The following CRHR1 variants were observed in gnomAD, a reference collection of about 807,000 sequenced individuals.
CRHR1 encodes the protein corticotropin releasing hormone receptor 1.
Under a neutral mutation model 56.0 loss-of-function variants are expected in CRHR1, and 28 were observed. The ratio of observed to expected loss-of-function variants is 0.50; its 90% CI spans 0.37 to 0.69. The LOEUF (loss-of-function observed/expected upper bound fraction) is 0.69, where lower values mean the gene tolerates loss of function less well. Ranked by LOEUF, CRHR1 falls within the 30% of genes least tolerant of loss-of-function variation. CRHR1 has a pLI of 0.00. For missense variants in CRHR1, 376 were observed against 548.0 expected (o/e 0.69, Z 3.13); for synonymous variants, 195 against 216.5 (o/e 0.90, Z 0.87).
rs1366733412 is a variant in CRHR1 at position 45,804,037 on chromosome 17, T to C, written c.34-2973T>C. Among the ~76,000 whole-genome samples, 5 of 152,214 alleles carry C rather than the reference T, an allele frequency of 3.3e-5. No homozygotes were observed. In the East Asian group the frequency reaches 9.6e-4, roughly 29 times the overall value. On this transcript the variant is annotated intron_variant, in intron 1 of 12. Transcript: ENST00000314537. ...CGGCTGGCCTGGTGGCCTCCTCCTC[T>C]CTCTACTTCTGCATTTTCACTTGGA...
At chr17:45,808,213 T>C (rs1320406893) in intron 2 of CRHR1, among the ~76,000 whole-genome samples, 3 of 152,204 alleles carry the variant, frequency 2.0e-5, no homozygotes, top group Non-Finnish European at 4.4e-5. Context: ...GGAAGACGCA[T>C]GCTTGCAAAG....
intron 1 of CRHR1, among the ~76,000 whole-genome samples, chr17:45,799,155 A>G (rs944844764): frequency 2.0e-5 from 3 of 152,164 alleles, no homozygotes; most frequent in Admixed American, 6.5e-5. Flanking sequence ...GGTGGATGAG[A>G]AAAAGGTGCC....
chr17:45,791,719 C>A (rs1208637084), intron 1 of CRHR1, among the ~76,000 whole-genome samples: 1 of 152,008 alleles, frequency 6.6e-6, no homozygotes, highest in Non-Finnish European at 1.5e-5. Flanking sequence ...ATGATCCCTT[C>A]CACCACCCCC....
chr17:45,803,775 T>TGC (rs1232847421), intron 1 of CRHR1, among the ~76,000 whole-genome samples: 36 of 150,440 alleles, frequency 2.4e-4, no homozygotes, highest in African/African-American at 6.1e-4. Flanking sequence ...TGTGTGTGTG[T>TGC]GCGTGCGCGT....
intron 2 of CRHR1, among the ~76,000 whole-genome samples, chr17:45,812,379 C>G (rs2061840011): frequency 6.6e-6 from 1 of 152,236 alleles, no homozygotes; most frequent in Admixed American, 6.5e-5. Context: ...GCACCTCTGC[C>G]TTTGTGCAGC....
intron 4 of CRHR1, 70 bp downstream of exon 4, chr17:45,821,510 G>A: frequency 7.2e-7 from 1 of 1,398,550 alleles, no homozygotes; most frequent in Non-Finnish European, 1.0e-6. Context: ...TTTTGTGCCT[G>A]CTACTTGGAG....
chr17:45,798,311 A>T (rs1247356152), intron 1 of CRHR1, among the ~76,000 whole-genome samples: 1 of 152,140 alleles, frequency 6.6e-6, no homozygotes, highest in Non-Finnish European at 1.5e-5. Flanking sequence ...GGATCATCTG[A>T]GGTCAGGAGT....
intron 1 of CRHR1, among the ~76,000 whole-genome samples, chr17:45,804,901 A>G (rs781673882): frequency 1.3e-5 from 2 of 151,472 alleles, no homozygotes; most frequent in Non-Finnish European, 1.5e-5. Context: ...TACAACCTCA[A>G]CCTCCCGGGT....
At chr17:45,806,860 G>A (rs554043901) in intron 1 of CRHR1, 150 bp from the exon 2 acceptor site, 20 of 639,222 alleles carry the variant, frequency 3.1e-5, no homozygotes, top group African/African-American at 2.3e-4. Flanking sequence ...GATGAGGGGC[G>A]GGTGTCTGGG....
chr17:45,826,840 T>C (rs938931886), intron 4 of CRHR1: 22 of 152,306 alleles, frequency 1.4e-4, no homozygotes, highest in African/African-American at 5.1e-4. Context: ...TAGCTGGGCA[T>C]GGTGGTGCAT....
intron 2 of CRHR1, among the ~76,000 whole-genome samples, chr17:45,810,061 CTT>C: frequency 6.6e-6 from 1 of 152,284 alleles, no homozygotes; most frequent in East Asian, 1.9e-4. Context: ...GGTCGGATCA[CTT>C]GAGGTCAGGT....
chr17:45,807,659 G>A (rs2061744135), intron 2 of CRHR1, among the ~76,000 whole-genome samples: 1 of 152,232 alleles, frequency 6.6e-6, no homozygotes, highest in Non-Finnish European at 1.5e-5. Flanking sequence ...CCTGAGTGGA[G>A]CACGGGCAGC....
chr17:45,786,185 A>T (rs1384995093), intron 1 of CRHR1, among the ~76,000 whole-genome samples: 1 of 147,544 alleles, frequency 6.8e-6, no homozygotes, highest in Non-Finnish European at 1.5e-5. Flanking sequence ...CTGGCCTTTC[A>T]TAGAATTGTG....
chr17:45,785,456 G>A (rs988138221), intron 1 of CRHR1, among the ~76,000 whole-genome samples: 5 of 152,366 alleles, frequency 3.3e-5, no homozygotes, highest in Admixed American at 3.3e-4. Context: ...CGCGCCCGCT[G>A]CAGCCGGCCG....
chr17:45,816,701 G>GT, intron 3 of CRHR1, 119 bp downstream of exon 3: 1 of 1,482,818 alleles, frequency 6.7e-7, no homozygotes. Flanking sequence ...TGTGGGGATC[G>GT]CCCCTGTTTT....
intron 1 of CRHR1, among the ~76,000 whole-genome samples, chr17:45,791,460 CA>C (rs1598395674): frequency 6.6e-6 from 1 of 152,074 alleles, no homozygotes; most frequent in Non-Finnish European, 1.5e-5. Context: ...GTGAGAGAAG[CA>C]AAAGGGGAGG....
At chr17:45,814,821 C>T (rs981447599) in intron 2 of CRHR1, among the ~76,000 whole-genome samples, 4 of 152,268 alleles carry the variant, frequency 2.6e-5, no homozygotes, top group African/African-American at 7.2e-5. Context: ...CCACTCCAGC[C>T]GCCTGGCCCG....
intron 9 of CRHR1, 76 bp downstream of exon 9, chr17:45,833,286 CTCCTCTACCTAGAGGTGGGGGCCA>C: frequency 6.5e-7 from 1 of 1,545,752 alleles, no homozygotes; most frequent in Non-Finnish European, 8.9e-7. Flanking sequence ...ACAGAAAGGA[CTCCTCTACCTAGAGGTGGGGGCCA>C]CCCAAAGAGG....
Position 45,830,432 on chromosome 17 carries a change from G to C in CRHR1, c.571G>C (p.Val191Leu). The C allele has an allele frequency of 6.2e-7, 1 of 1,611,168 alleles. No homozygotes were observed. Among genetic ancestry groups the C allele is most frequent in the Non-Finnish European group, 8.5e-7 (1 of 1,178,636 alleles). The change falls in exon 7 of 13, where the codon GTG becomes CTG. Residue 191 changes from valine (V) to leucine (L), a missense_variant. By Grantham distance (32) the Val-to-Leu change is conservative. Coordinates refer to ENST00000314537, the MANE Select transcript of CRHR1 (RefSeq NM_004382.5). ...HQSNVGWCRL[V>L]TAAYNYFHVT... Reference sequence around the variant, plus strand: ...GGGGTGGCAGGGCTGGTGCAGGTTGGTGACAGCCGCCTACAACTACTTCCA... The same window carrying C: ...GGGGTGGCAGGGCTGGTGCAGGTTGCTGACAGCCGCCTACAACTACTTCCA...
Sources: gnomAD v4.1 joint callset for allele counts (sites outside exome capture counted in the v4.1 genomes callset) on GRCh38, gnomAD v4.1.1 for gene constraint, MANE v1.5 for transcripts, NCBI Gene and HGNC (gene_info 2026-07-23, HGNC 2026-07-21) for gene names.